CSMD2: variants seen among roughly 807,000 people sequenced by gnomAD.
The protein encoded by CSMD2 is CUB and sushi domain-containing protein 2.
A neutral mutation model predicts 398.5 loss-of-function variants in CSMD2; 130 were observed. That is an observed-to-expected ratio of 0.33 (90% CI 0.28 to 0.38). The LOEUF is 0.38. Ranked by LOEUF, CSMD2 falls within the 10% of genes least tolerant of loss-of-function variation. The pLI is 1.00. For missense variants in CSMD2, 3,829 were observed against 4,764.9 expected (o/e 0.80, Z 5.78); for synonymous variants, 1,828 against 1,908.5 (o/e 0.96, Z 1.10).
At chr1:34,056,369 T>C (rs1653830206) in intron 2 of CSMD2, among the ~76,000 whole-genome samples, 1 of 152,216 alleles carries the variant, frequency 6.6e-6, no homozygotes, top group South Asian at 2.1e-4. Context: ...CTATGTCTGC[T>C]TCATCTCTGG....
At chr1:34,016,027 GTGTGTGTGTGTGTGTGTA>G (rs1411439552) in intron 3 of CSMD2, among the ~76,000 whole-genome samples, 1 of 151,882 alleles carries the variant, frequency 6.6e-6, no homozygotes, top group East Asian at 1.9e-4. Flanking sequence ...GTGTGTGTGT[GTGTGTGTGTGTGTGTGTA>G]TGTGTGTATT....
chr1:33,780,896 C>G (rs1025683745), intron 12 of CSMD2, among the ~76,000 whole-genome samples: 1 of 152,168 alleles, frequency 6.6e-6, no homozygotes, highest in Non-Finnish European at 1.5e-5. Flanking sequence ...GGGGAAAAGA[C>G]AAGAAATAGA....
intron 4 of CSMD2, among the ~76,000 whole-genome samples, chr1:33,924,056 C>T (rs951238413): frequency 2.6e-5 from 4 of 152,224 alleles, no homozygotes; most frequent in Non-Finnish European, 2.9e-5. Context: ...AACTATCAAT[C>T]ATTCTACTGT....
At chr1:33,594,772 G>A (rs1341407771) in intron 44 of CSMD2, among the ~76,000 whole-genome samples, 2 of 151,940 alleles carry the variant, frequency 1.3e-5, no homozygotes, top group East Asian at 1.9e-4. Context: ...TTCTGCTCTC[G>A]CTGATTCTTG....
chr1:33,562,175 C>T (rs1658623793), intron 53 of CSMD2, among the ~76,000 whole-genome samples: 1 of 152,008 alleles, frequency 6.6e-6, no homozygotes, highest in Admixed American at 6.6e-5. Context: ...TCATCGGATT[C>T]ATCAATAGGA....
At chr1:33,759,443 A>T (rs886831684) in intron 13 of CSMD2, among the ~76,000 whole-genome samples, 5 of 146,622 alleles carry the variant, frequency 3.4e-5, no homozygotes, top group Admixed American at 1.4e-4. Context: ...CTCCTGCCTC[A>T]GCCTCCTGAG....
At chr1:33,623,330 T>G in intron 36 of CSMD2, 40 bp downstream of exon 36, 1 of 1,297,972 alleles carries the variant, frequency 7.7e-7, no homozygotes, top group East Asian at 2.3e-5. Flanking sequence ...TGAGCTCTAG[T>G]ACTACCCTCC....
intron 3 of CSMD2, among the ~76,000 whole-genome samples, chr1:33,958,188 C>T (rs1645233888): frequency 6.6e-6 from 1 of 152,180 alleles, no homozygotes; most frequent in Admixed American, 6.5e-5. Context: ...ACTGGGTCCT[C>T]TTGGCTGTGG....
At chr1:33,562,609 C>T (rs777327509) in intron 53 of CSMD2, among the ~76,000 whole-genome samples, 2 of 152,170 alleles carry the variant, frequency 1.3e-5, no homozygotes, top group Non-Finnish European at 2.9e-5. Flanking sequence ...CACGTGTCAG[C>T]TTGGTTAGGC....
chr1:34,103,314 T>TA (rs1553316154), intron 1 of CSMD2, among the ~76,000 whole-genome samples: 1 of 114,710 alleles, frequency 8.7e-6, no homozygotes. Context: ...TTTTTTTCTT[T>TA]CTGAGCCAGA....
rs564686263 is a variant in CSMD2 at position 33,611,233 on chromosome 1, G to C, written c.6151C>G (p.Leu2051Val). ...TGGTTGGGCTCGGTGGAGAAGTTCA[G>C]GAACTGGATGTGAGCTCCTGGGAGC... ...PVGFGAHIQF[L>V]NFSTEPNHDY... Residue 2051 changes from leucine to valine, a missense_variant, in exon 41 of 71, where the codon CTG becomes GTG. Physicochemically the swap from Leu to Val is conservative, Grantham distance 32. Transcript: ENST00000373381. 3 of 1,613,968 alleles carry C rather than the reference G, an allele frequency of 1.9e-6. No individual in the cohort carries two copies. The highest frequency in any genetic ancestry group is 2.5e-6 in the Non-Finnish European group (3 of 1,179,988).
At chr1:33,870,654 T>A (rs1457264393) in intron 5 of CSMD2, 2 of 152,168 alleles carry the variant, frequency 1.3e-5, no homozygotes, top group Non-Finnish European at 2.9e-5. Context: ...ATCAGGCCAC[T>A]GGGGCATTGC....
intron 5 of CSMD2, among the ~76,000 whole-genome samples, chr1:33,900,131 C>T (rs1642651653): frequency 1.3e-5 from 2 of 152,212 alleles, no homozygotes; most frequent in South Asian, 2.1e-4. Context: ...AGGACACAAG[C>T]TGGATTTACA....
At chr1:33,743,646 A>G (rs1218948500) in intron 13 of CSMD2, 40 bp from the exon 14 acceptor site, 4 of 1,430,114 alleles carry the variant, frequency 2.8e-6, no homozygotes, top group Admixed American at 2.0e-5. Context: ...AGCATCCCCA[A>G]CATTCTGCCT....
chr1:33,592,459 T>C, intron 44 of CSMD2: 1 of 716,334 alleles, frequency 1.4e-6, no homozygotes, highest in Non-Finnish European at 2.6e-6. Context: ...CGTGGAGGGG[T>C]GTCACAATGT....
At chr1:34,071,300 G>A (rs1374882826) in intron 2 of CSMD2, among the ~76,000 whole-genome samples, 3 of 152,248 alleles carry the variant, frequency 2.0e-5, no homozygotes, top group Non-Finnish European at 2.9e-5. Context: ...TCAACAGCCA[G>A]GCTAGTAGTC....
At chr1:33,997,152 G>A (rs1558222771) in intron 3 of CSMD2, among the ~76,000 whole-genome samples, 1 of 152,196 alleles carries the variant, frequency 6.6e-6, no homozygotes, top group Non-Finnish European at 1.5e-5. Context: ...ATGAAGAAAC[G>A]AGAGTCGGTT....
intron 1 of CSMD2, among the ~76,000 whole-genome samples, chr1:34,136,085 C>A (rs1278091170): frequency 4.6e-5 from 7 of 152,114 alleles, no homozygotes; most frequent in Non-Finnish European, 1.0e-4. Flanking sequence ...AAAATTAGGT[C>A]ATTTGGGTAA....
At chr1:33,724,843 G>T in intron 17 of CSMD2, 139 bp from the exon 18 acceptor site, 1 of 774,792 alleles carries the variant, frequency 1.3e-6, no homozygotes, top group Non-Finnish European at 2.0e-6. Flanking sequence ...AAATGTGGCC[G>T]TCAGAATTTG....
Sources: allele counts gnomAD v4.1 joint callset (sites outside exome capture counted in the v4.1 genomes callset), GRCh38; gene constraint gnomAD v4.1.1; transcripts MANE v1.5; gene names NCBI Gene and HGNC (gene_info 2026-07-23, HGNC 2026-07-21).